The following SOCS2 variants were observed in gnomAD, a reference collection of about 807,000 sequenced individuals.
The protein encoded by SOCS2 is suppressor of cytokine signaling 2, also known as CIS-2.
In SOCS2, 10 loss-of-function variants were observed where a neutral mutation model predicts 18.6. That is an observed-to-expected ratio of 0.54 (90% CI 0.33 to 0.91). The LOEUF (loss-of-function observed/expected upper bound fraction) is 0.91, where lower values mean the gene tolerates loss of function less well. SOCS2 is among the 40% of genes least tolerant of loss of function. The pLI, the probability that SOCS2 is intolerant of heterozygous loss-of-function variation, is 0.02. For synonymous variants in SOCS2, 104 were observed against 104.0 expected, an observed-to-expected ratio of 1.00 and a Z score of 0.00; for missense variants, 231 against 247.2, an observed-to-expected ratio of 0.93 and a Z score of 0.44.
the SOCS2 span, among the ~76,000 whole-genome samples, chr12:93,590,845 G>T: frequency 7.2e-5 from 8 of 110,934 alleles, no homozygotes; most frequent in Non-Finnish European, 1.1e-4. Context: ...GTGTACACAT[G>T]AAAAGTACAA....
At chr12:93,579,258 C>A (rs79824962), downstream of SOCS2, among the ~76,000 whole-genome samples, 45 of 152,284 alleles carry the variant, frequency 3.0e-4, 1 homozygote, top group East Asian at 8.7e-3. Flanking sequence ...ATAAAGTTGC[C>A]CTCTTGACTT....
At chr12:93,595,218 T>C in the SOCS2 span, among the ~76,000 whole-genome samples, 1 of 152,322 alleles carries the variant, frequency 6.6e-6, no homozygotes, top group Admixed American at 6.5e-5. Flanking sequence ...TTTATTTTAC[T>C]GAGTTCCACA....
the SOCS2 span, among the ~76,000 whole-genome samples, chr12:93,614,983 C>T: frequency 6.6e-6 from 1 of 151,816 alleles, no homozygotes. Flanking sequence ...ATTGAGCAGC[C>T]GGCAAAGGAT....
chr12:93,608,376 C>A, the SOCS2 span, among the ~76,000 whole-genome samples: 1 of 152,100 alleles, frequency 6.6e-6, no homozygotes, highest in Non-Finnish European at 1.5e-5. Flanking sequence ...TATAGGAGGG[C>A]ACATTTTTCT....
At chr12:93,577,032 C>A (rs930502719), downstream of SOCS2, among the ~76,000 whole-genome samples, 5 of 152,170 alleles carry the variant, frequency 3.3e-5, no homozygotes, top group Admixed American at 2.6e-4. Context: ...TCTGGCAAAA[C>A]TTCTATATGA....
At position 93,572,941 on chromosome 12, in the gene SOCS2, G is replaced by C; in HGVS notation, c.44G>C (p.Gly15Ala). The stretch of plus-strand genomic sequence containing the variant: ...GAGCCCTCCGGGAATGGCGGGGAAG[G>C]GACGCGGAGCCAGTGGGGGACCGCG... ...CLEPSGNGGEGTRSQWGTAGS... is the reference protein window; with the variant it reads ...CLEPSGNGGEATRSQWGTAGS... Residue 15 changes from glycine (G) to alanine (A), a missense_variant, in exon 1 of 2, where the codon GGG (glycine) becomes GCG (alanine). By Grantham distance (60) the Gly-to-Ala change is moderately conservative (BLOSUM62 0). This residue lies in a region of SOCS2 where 106 missense variants were observed against 103.8 expected (regional missense o/e 1.02). Coordinates refer to ENST00000551556, the MANE Select transcript of SOCS2 (RefSeq NM_001270471.2). This position sits in a 1 kb window ranked among gnomAD's most constrained non-coding sequence, Gnocchi z 5.0. 1 of 1,570,140 alleles carries C rather than the reference G, an allele frequency of 6.4e-7. No homozygotes were observed. Among genetic ancestry groups the C allele is most frequent in the Non-Finnish European group, 8.6e-7 (1 of 1,156,914 alleles).
downstream of SOCS2, among the ~76,000 whole-genome samples, chr12:93,577,969 ATTG>A (rs1457115756): frequency 1.3e-5 from 2 of 152,174 alleles, no homozygotes; most frequent in Non-Finnish European, 2.9e-5. Flanking sequence ...GATATTTATT[ATTG>A]TTGTTGTTGA....
At chr12:93,606,733 A>G in the SOCS2 span, among the ~76,000 whole-genome samples, 1 of 152,090 alleles carries the variant, frequency 6.6e-6, no homozygotes, top group Non-Finnish European at 1.5e-5. Context: ...GCTCACTGCA[A>G]CCTCTGCCTC....
Position 93,572,807 on chromosome 12 carries a change from G to A in SOCS2, c.-91G>A. ...CGGACACCCCGCAGGGACTCGTTTT[G>A]GGATTCGCACTGACTTCAAGGAAGG... On this transcript the variant is annotated 5_prime_UTR_variant, in exon 1 of 2. Coordinates refer to ENST00000551556, the MANE Select transcript of SOCS2 (RefSeq NM_001270471.2). This position sits in a 1 kb window ranked among gnomAD's most constrained non-coding sequence, Gnocchi z 5.0. The A allele has an allele frequency of 2.0e-6, 3 of 1,513,762 alleles. No homozygotes were observed. In the South Asian group the frequency reaches 3.6e-5, roughly 18 times the overall value. The allele number at this position is 1,513,762 out of a possible 1,614,324, so 93.8% of individuals were successfully genotyped here.
rs1555207199 is a variant in SOCS2 at position 93,574,986 on chromosome 12, A to G, written c.404A>G (p.Asp135Gly). ...GACTACTATGTTCAGATGTGCAAGG[A>G]TAAGCGGACAGGTCCAGAAGCCCCC... The part of the protein sequence containing the change: ...LIDYYVQMCK[D>G]KRTGPEAPRN... Residue 135 changes from aspartate to glycine, a missense_variant, in exon 2 of 2, where the codon GAT becomes GGT. By Grantham distance (94) the Asp-to-Gly change is moderately conservative (BLOSUM62 -1). Around this residue, in one of 3 missense-constraint regions of SOCS2, gnomAD observed 122 missense variants for 127.2 expected, o/e 0.96. Transcript: ENST00000551556. 1.9e-6 allele frequency: 3 copies of G among 1,614,168 alleles called. No homozygotes were observed. The highest frequency in any genetic ancestry group is 2.2e-5 in the South Asian group (2 of 91,080).
At chr12:93,596,641 A>G in the SOCS2 span, among the ~76,000 whole-genome samples, 25 of 152,206 alleles carry the variant, frequency 1.6e-4, no homozygotes, top group Admixed American at 1.4e-3. Context: ...CAGCCTGGCT[A>G]ATATGGCAAA....
the SOCS2 span, among the ~76,000 whole-genome samples, chr12:93,614,400 T>C: frequency 1.7e-4 from 24 of 141,780 alleles, no homozygotes; most frequent in South Asian, 9.2e-4. Context: ...TTTCTTTCTT[T>C]CTTTCTTTCT....
At chr12:93,622,466 T>C in the SOCS2 span, among the ~76,000 whole-genome samples, 3 of 152,194 alleles carry the variant, frequency 2.0e-5, no homozygotes, top group Non-Finnish European at 2.9e-5. Context: ...GCTGCACTCA[T>C]ACCTACTGAT....
the SOCS2 span, among the ~76,000 whole-genome samples, chr12:93,604,561 G>A: frequency 6.6e-6 from 1 of 152,224 alleles, no homozygotes; most frequent in East Asian, 1.9e-4. Context: ...GGGTATTTTA[G>A]AAAGTTAGAC....
rs1188256835 is a variant in SOCS2, at chr12:93,572,720, G to C, written c.-178G>C. On this transcript the variant is annotated 5_prime_UTR_variant, in exon 1 of 2. Transcript: ENST00000551556. This position sits in a 1 kb window ranked among gnomAD's most constrained non-coding sequence, Gnocchi z 5.0. ...GGTGACCGCGGCTGCGAGGGACTTT[G>C]TCATCCGTCCTCCAGGATCTGGGGA... The C allele has an allele frequency of 1.3e-5, 11 of 855,692 alleles. No individual in the cohort carries two copies. Among genetic ancestry groups the C allele is most frequent in the Non-Finnish European group, 2.1e-5 (11 of 525,450 alleles). 53.0% of individuals were successfully genotyped at this position (855,692 alleles called of 1,614,324 possible).
the SOCS2 span, among the ~76,000 whole-genome samples, chr12:93,593,542 T>C: frequency 5.3e-4 from 80 of 152,332 alleles, no homozygotes; most frequent in Non-Finnish European, 9.7e-4. Flanking sequence ...TACCAAGATA[T>C]GTTTCAAAAA....
At chr12:93,598,156 C>T in the SOCS2 span, among the ~76,000 whole-genome samples, 2 of 152,192 alleles carry the variant, frequency 1.3e-5, no homozygotes, top group African/African-American at 2.4e-5. Flanking sequence ...CGAGGAAACA[C>T]GTTGCTGACG....
chr12:93,612,876 T>C, the SOCS2 span, among the ~76,000 whole-genome samples: 7 of 152,244 alleles, frequency 4.6e-5, no homozygotes, highest in Non-Finnish European at 8.8e-5. Flanking sequence ...GGATCTATTT[T>C]ACTCCTCTTC....
chr12:93,623,862 G>A, the SOCS2 span, among the ~76,000 whole-genome samples: 1 of 152,056 alleles, frequency 6.6e-6, no homozygotes, highest in East Asian at 1.9e-4. Flanking sequence ...ACACCACCAT[G>A]TCCAGCTAAT....
Sources: allele counts gnomAD v4.1 joint callset (sites outside exome capture counted in the v4.1 genomes callset), GRCh38; gene constraint gnomAD v4.1.1; regional missense constraint gnomAD v4.1.1; non-coding constraint Gnocchi (gnomAD v3.1); transcripts MANE v1.5; gene names NCBI Gene and HGNC (gene_info 2026-07-23, HGNC 2026-07-21).